Variants in SMC6 observed in about 807,000 individuals in gnomAD.
SMC6 encodes structural maintenance of chromosomes protein 6.
SMC6 carries 79 observed loss-of-function variants against 142.2 expected under a neutral mutation model. That is an observed-to-expected ratio of 0.56 (90% CI 0.46 to 0.67). The LOEUF (loss-of-function observed/expected upper bound fraction) is 0.67. SMC6 is among the 30% of genes least tolerant of loss of function. SMC6 has a pLI of 0.00. For missense variants in SMC6, 1,072 were observed against 1,284.0 expected, an observed-to-expected ratio of 0.83 and a Z score of 2.52; for synonymous variants, 411 against 412.4, an observed-to-expected ratio of 1.00 and a Z score of 0.04.
At chr2:17,722,993 C>G (rs1213879957) in intron 9 of SMC6, among the ~76,000 whole-genome samples, 2 of 143,080 alleles carry the variant, frequency 1.4e-5, no homozygotes, top group Non-Finnish European at 3.0e-5. Context: ...TATAATTCAG[C>G]TTTCTTAAAA....
chr2:17,708,737 C>A lies in SMC6; in HGVS notation c.1747G>T (p.Asp583Tyr). ...DVRHRAAYHP[D>Y]FPTVLTALEI... ...AAAGCTGTCAGAACTGTTGGAAAGT[C>A]TGGATGATAAGCAGCTCTAGGAGAC... Residue 583 changes from aspartate (D) to tyrosine (Y), a missense_variant, in exon 17 of 28, where the codon GAC becomes TAC. Physicochemically the swap from Asp to Tyr is radical, Grantham distance 160. Coordinates refer to ENST00000448223, the MANE Select transcript of SMC6 (RefSeq NM_001142286.2). 1 of 1,533,914 alleles carries A rather than the reference C, an allele frequency of 6.5e-7. No homozygotes were observed. The highest frequency in any genetic ancestry group is 8.8e-7 in the Non-Finnish European group (1 of 1,138,546).
intron 17 of SMC6, 31 bp downstream of exon 17, chr2:17,708,608 A>T: frequency 8.3e-7 from 1 of 1,208,390 alleles, no homozygotes; most frequent in South Asian, 2.0e-5. Flanking sequence ...TAACAATAAC[A>T]TCAAATACAG....
rs1253269429 is a variant in SMC6, at chr2:17,749,561, G to A, written c.-6+3417C>T. Among the ~76,000 whole-genome samples the A allele has an allele frequency of 8.6e-5, 13 of 151,940 alleles. 1 individual carries two copies. Among genetic ancestry groups the A allele is most frequent in the African/African-American group, 2.7e-4 (11 of 41,330 alleles). On this transcript the variant is annotated intron_variant, in intron 2 of 27. Transcript: ENST00000448223. ...AAATTAGTCAGGCGTGGTGGCGCGCGCCTATAGTCCCAGCTACTCAGGAGG... is the reference window on the plus strand; with the variant it reads ...AAATTAGTCAGGCGTGGTGGCGCGCACCTATAGTCCCAGCTACTCAGGAGG...
At chr2:17,750,108 C>T (rs539308868) in intron 2 of SMC6, among the ~76,000 whole-genome samples, 42 of 152,192 alleles carry the variant, frequency 2.8e-4, no homozygotes, top group Non-Finnish European at 5.0e-4. Flanking sequence ...TCAGCAAAAC[C>T]GGGAAGTATA....
chr2:17,703,185 CT>C lies in SMC6; in HGVS notation c.2113del (p.Arg705GlyfsTer9). On this transcript the variant is annotated frameshift_variant, in exon 19 of 28. Coordinates refer to ENST00000448223, the MANE Select transcript of SMC6 (RefSeq NM_001142286.2). LOFTEE classifies it high-confidence loss of function. ...DIKHNEELLK[R>X]CQLHYKELKM... is the part of the protein sequence containing the mutation. ...TAGTTCTTTATAATGTAGTTGGCAC[CT>C]TTTAAGAAGTTCCTCATTGTGTTTA... 1.3e-6 allele frequency: 2 copies of C among 1,509,418 alleles called. No individual in the cohort carries two copies. The highest frequency in any genetic ancestry group is 1.4e-5 in the African/African-American group (1 of 70,842). 93.5% of individuals were successfully genotyped at this position (1,509,418 alleles called of 1,614,324 possible).
chr2:17,740,356 C>G (rs892348781), intron 4 of SMC6, among the ~76,000 whole-genome samples: 1 of 152,196 alleles, frequency 6.6e-6, no homozygotes, highest in Non-Finnish European at 1.5e-5. Context: ...CCTATTCTAG[C>G]ATTGTCACCA....
chr2:17,742,780 A>G (rs149383253), intron 3 of SMC6, among the ~76,000 whole-genome samples: 1 of 152,280 alleles, frequency 6.6e-6, no homozygotes, highest in African/African-American at 2.4e-5. Flanking sequence ...TGCAATCCTT[A>G]ATGAGATCCT....
chr2:17,729,569 T>C (rs1258094705), intron 7 of SMC6, among the ~76,000 whole-genome samples: 3 of 152,198 alleles, frequency 2.0e-5, no homozygotes, highest in Non-Finnish European at 4.4e-5. Context: ...GTGGAGATTC[T>C]ACACAGGGTA....
intron 12 of SMC6, 107 bp from the exon 13 acceptor site, chr2:17,717,283 T>C: frequency 1.5e-6 from 1 of 674,492 alleles, no homozygotes; most frequent in Non-Finnish European, 2.3e-6. Context: ...GGAATATATT[T>C]TTTAAATGAA....
intron 7 of SMC6, among the ~76,000 whole-genome samples, chr2:17,729,239 T>C (rs1669788993): frequency 6.6e-6 from 1 of 152,210 alleles, no homozygotes; most frequent in African/African-American, 2.4e-5. Context: ...TTACTGCATA[T>C]CTCAATTTGA....
intron 2 of SMC6, among the ~76,000 whole-genome samples, chr2:17,752,291 C>A (rs926614889): frequency 1.3e-5 from 2 of 152,152 alleles, no homozygotes; most frequent in Non-Finnish European, 2.9e-5. Context: ...ACTTATATAA[C>A]CTAACACAAT....
intron 24 of SMC6, 75 bp downstream of exon 24, chr2:17,683,563 G>A (rs1236907695): frequency 7.6e-7 from 1 of 1,313,594 alleles, no homozygotes; most frequent in Non-Finnish European, 1.1e-6. Flanking sequence ...TGCTATAACA[G>A]AATTATATAA....
At position 17,676,574 on chromosome 2, in the gene SMC6, T is replaced by C. The variant is rs113359745; in HGVS notation, c.2910+2285A>G. On this transcript the variant is annotated intron_variant, in intron 25 of 27. Coordinates refer to ENST00000448223, the MANE Select transcript of SMC6 (RefSeq NM_001142286.2). ...ATTTTAGGATCAGCTTGTCAATTTC[T>C]ACAAAAACGTCTGCTGGCATTTTAA... Among the ~76,000 whole-genome samples the C allele has an allele frequency of 4.8e-3, 724 of 152,294 alleles. 4 individuals carry two copies. Among genetic ancestry groups the C allele is most frequent in the African/African-American group, 0.016 (671 of 41,568 alleles).
rs1669069795 is a variant in SMC6 at position 17,716,072 on chromosome 2, A to G, written c.1525+14T>C. On this transcript the variant is annotated intron_variant, in intron 15 of 27. Transcript: ENST00000448223. ...CTAAAGTTTATTATAACCTCGCTAA[A>G]TTAAGACAAATACCTAAAGGGCCTA... 2.0e-6 allele frequency: 3 copies of G among 1,482,260 alleles called. No homozygotes were observed. The highest frequency in any genetic ancestry group is 2.6e-5 in the East Asian group (1 of 39,042). 91.8% of individuals were successfully genotyped at this position (1,482,260 alleles called of 1,614,324 possible). A position where few individuals can be genotyped will look rare whatever the true frequency, so the allele number is the denominator to read the frequency against.
intron 15 of SMC6, 26 bp from the exon 16 acceptor site, chr2:17,715,091 G>A: frequency 6.2e-7 from 1 of 1,602,230 alleles, no homozygotes; most frequent in Non-Finnish European, 8.5e-7. Context: ...AATTACAGAA[G>A]GGCTCATAAA....
At chr2:17,682,877 A>G (rs1667295148) in intron 24 of SMC6, among the ~76,000 whole-genome samples, 1 of 121,266 alleles carries the variant, frequency 8.2e-6, no homozygotes. Flanking sequence ...TATAAGAGCT[A>G]GGTACCTTTT....
intron 21 of SMC6, among the ~76,000 whole-genome samples, chr2:17,699,786 C>T (rs144884934): frequency 6.6e-6 from 1 of 152,250 alleles, no homozygotes; most frequent in African/African-American, 2.4e-5. Context: ...TGAAACATAA[C>T]TGAGATAGCT....
intron 25 of SMC6, among the ~76,000 whole-genome samples, chr2:17,673,961 G>C (rs1476165361): frequency 6.6e-6 from 1 of 152,172 alleles, no homozygotes; most frequent in African/African-American, 2.4e-5. Context: ...TTGCAGTGGA[G>C]TCCTGTCATT....
At chr2:17,666,734 A>G (rs112515977) in intron 26 of SMC6, among the ~76,000 whole-genome samples, 254 of 152,144 alleles carry the variant, frequency 1.7e-3, no homozygotes, top group African/African-American at 5.7e-3. Context: ...TGTAATCCCA[A>G]TGCTTTGAGA....
Sources: allele counts gnomAD v4.1 joint callset (sites outside exome capture counted in the v4.1 genomes callset), GRCh38; gene constraint gnomAD v4.1.1; transcripts MANE v1.5; gene names NCBI Gene and HGNC (gene_info 2026-07-23, HGNC 2026-07-21).